The following B3GALT1 variants were observed in gnomAD, a reference collection of about 807,000 sequenced individuals.
B3GALT1 encodes the protein UDP-Gal:betaGlcNAc beta 1,3-galactosyltransferase, polypeptide 1.
In B3GALT1, 10 loss-of-function variants were observed where a neutral mutation model predicts 23.2. The ratio of observed to expected loss-of-function variants is 0.43; its 90% CI spans 0.27 to 0.73. The LOEUF (loss-of-function observed/expected upper bound fraction) is 0.73. B3GALT1 is among the 30% of genes least tolerant of loss of function. The pLI is 0.21. For missense variants in B3GALT1, 299 were observed against 405.4 expected (o/e 0.74, Z 2.25); for synonymous variants, 156 against 141.5 (o/e 1.10, Z -0.73).
At chr2:167,804,147 G>A (rs189414225) in intron 3 of B3GALT1, among the ~76,000 whole-genome samples, 56 of 152,034 alleles carry the variant, frequency 3.7e-4, no homozygotes, top group Non-Finnish European at 5.9e-4. Flanking sequence ...GCACCACCAC[G>A]TCCAGCTGAT....
At chr2:167,817,767 C>CAGTT (rs145765610) in intron 3 of B3GALT1, among the ~76,000 whole-genome samples, 1 of 152,272 alleles carries the variant, frequency 6.6e-6, no homozygotes, top group East Asian at 1.9e-4. Flanking sequence ...TATACATGAA[C>CAGTT]AGTTAGTTAG....
chr2:167,402,933 A>AT (rs1698215116), intron 1 of B3GALT1, among the ~76,000 whole-genome samples: 1 of 152,178 alleles, frequency 6.6e-6, no homozygotes, highest in African/African-American at 2.4e-5. Flanking sequence ...ATAATGCAGA[A>AT]TAATAGGAGG....
At chr2:167,509,934 G>A (rs1410852081) in intron 2 of B3GALT1, among the ~76,000 whole-genome samples, 1 of 146,692 alleles carries the variant, frequency 6.8e-6, no homozygotes, top group African/African-American at 2.4e-5. Context: ...AGAGCATTTG[G>A]AAAACAAAAG....
intron 1 of B3GALT1, among the ~76,000 whole-genome samples, chr2:167,303,682 C>CACACACACACACACACACACAG (rs535369991): frequency 6.7e-6 from 1 of 148,724 alleles, no homozygotes; most frequent in South Asian, 2.2e-4. Flanking sequence ...CACACACACA[C>CACACACACACACACACACACAG]AGAGAGAGAC....
At chr2:167,825,529 C>T (rs73021252) in intron 4 of B3GALT1, among the ~76,000 whole-genome samples, 5,276 of 149,716 alleles carry the variant, frequency 0.035, 314 homozygotes, top group African/African-American at 0.12. Context: ...ATAAAAAGGC[C>T]ACCAATAGAA....
chr2:167,521,275 T>C (rs1236924717), intron 2 of B3GALT1, among the ~76,000 whole-genome samples: 1 of 152,184 alleles, frequency 6.6e-6, no homozygotes, highest in Non-Finnish European at 1.5e-5. Flanking sequence ...TAGATTCTGT[T>C]CAGAGATCTT....
intron 3 of B3GALT1, among the ~76,000 whole-genome samples, chr2:167,788,391 G>A (rs1688377919): frequency 6.6e-6 from 1 of 152,048 alleles, no homozygotes; most frequent in South Asian, 2.1e-4. Context: ...TTGCCATAAT[G>A]TAGAATCAGT....
At chr2:167,394,887 A>G (rs962570715) in intron 1 of B3GALT1, among the ~76,000 whole-genome samples, 4 of 152,132 alleles carry the variant, frequency 2.6e-5, no homozygotes, top group African/African-American at 9.7e-5. Flanking sequence ...TGGAATGAGA[A>G]TGTCTGTATC....
chr2:167,678,546 C>A (rs998006305), intron 3 of B3GALT1, among the ~76,000 whole-genome samples: 1 of 150,912 alleles, frequency 6.6e-6, no homozygotes, highest in African/African-American at 2.4e-5. Flanking sequence ...ATACATCTTA[C>A]AATACCCACC....
chr2:167,768,360 A>G (rs1688012489), intron 3 of B3GALT1, among the ~76,000 whole-genome samples: 1 of 152,226 alleles, frequency 6.6e-6, no homozygotes, highest in Non-Finnish European at 1.5e-5. Context: ...TTTATTATGC[A>G]TCTGGCTGGA....
chr2:167,417,850 G>A (rs570604119), intron 1 of B3GALT1, among the ~76,000 whole-genome samples: 2 of 152,214 alleles, frequency 1.3e-5, no homozygotes, highest in Non-Finnish European at 2.9e-5. Flanking sequence ...TGACTCAGAT[G>A]CTATAATCAG....
At chr2:167,676,840 A>G (rs113374078) in intron 3 of B3GALT1, among the ~76,000 whole-genome samples, 1 of 152,180 alleles carries the variant, frequency 6.6e-6, no homozygotes, top group Non-Finnish European at 1.5e-5. Context: ...CCTGGCCCCA[A>G]TAATTAATAT....
At chr2:167,718,028 T>TA (rs1488887578) in intron 3 of B3GALT1, among the ~76,000 whole-genome samples, 1 of 152,162 alleles carries the variant, frequency 6.6e-6, no homozygotes, top group Non-Finnish European at 1.5e-5. Flanking sequence ...TTTGTCCAGT[T>TA]AGGGGGAGGT....
chr2:167,386,339 A>T (rs1001193295), intron 1 of B3GALT1, among the ~76,000 whole-genome samples: 1 of 152,120 alleles, frequency 6.6e-6, no homozygotes, highest in Non-Finnish European at 1.5e-5. Context: ...AGGTGATTAG[A>T]TTACTGCAAA....
intron 2 of B3GALT1, among the ~76,000 whole-genome samples, chr2:167,490,992 C>A (rs1477774146): frequency 6.6e-6 from 1 of 152,096 alleles, no homozygotes; most frequent in Non-Finnish European, 1.5e-5. Flanking sequence ...CTTAGAGGAT[C>A]CAGGGGCACA....
chr2:167,403,638 AG>A (rs1698230052), intron 1 of B3GALT1, among the ~76,000 whole-genome samples: 1 of 152,142 alleles, frequency 6.6e-6, no homozygotes, highest in Admixed American at 6.5e-5. Flanking sequence ...GCAAAACACA[AG>A]GGAAGGGAAG....
At chr2:167,636,154 G>T (rs73015440) in intron 2 of B3GALT1, among the ~76,000 whole-genome samples, 1 of 151,940 alleles carries the variant, frequency 6.6e-6, no homozygotes, top group Non-Finnish European at 1.5e-5. Flanking sequence ...AAGCAACTTT[G>T]TCAGCAGCTG....
At chr2:167,646,621 A>G (rs1190189631) in intron 2 of B3GALT1, among the ~76,000 whole-genome samples, 1 of 152,212 alleles carries the variant, frequency 6.6e-6, no homozygotes. Context: ...AAATGCATCT[A>G]GCAAACAAAG....
intron 1 of B3GALT1, among the ~76,000 whole-genome samples, chr2:167,397,135 T>C (rs1172122286): frequency 6.6e-6 from 1 of 152,066 alleles, no homozygotes; most frequent in African/African-American, 2.4e-5. Flanking sequence ...TCTTATATAC[T>C]CTTAGGTGAA....
Sources: gnomAD v4.1 joint callset for allele counts (sites outside exome capture counted in the v4.1 genomes callset) on GRCh38, gnomAD v4.1.1 for gene constraint, MANE v1.5 for transcripts, NCBI Gene and HGNC (gene_info 2026-07-23, HGNC 2026-07-21) for gene names.